The following GABRA5 variants were observed in gnomAD, a reference collection of about 807,000 sequenced individuals.
GABRA5 encodes gamma-aminobutyric acid receptor subunit alpha-5.
A neutral mutation model predicts 47.3 loss-of-function variants in GABRA5; 18 were observed. The ratio of observed to expected loss-of-function variants is 0.38; its 90% confidence interval spans 0.26 to 0.56. The LOEUF (loss-of-function observed/expected upper bound fraction) is 0.56, where lower values mean the gene tolerates loss of function less well. Among genes scored for constraint, GABRA5 ranks in the 20% least tolerant of loss-of-function variants. The pLI is 0.71. For synonymous variants in GABRA5, 237 were observed against 229.3 expected, an observed-to-expected ratio of 1.03 and a Z score of -0.30; for missense variants, 365 against 599.3, an observed-to-expected ratio of 0.61 and a Z score of 4.08.
At chr15:26,901,057 C>G (rs923175922) in intron 6 of GABRA5, among the ~76,000 whole-genome samples, 9 of 152,164 alleles carry the variant, frequency 5.9e-5, no homozygotes, top group African/African-American at 1.7e-4. Context: ...TTTATCCATT[C>G]ATCTATGGAA....
At chr15:26,939,492 C>T (rs1413346286) in intron 8 of GABRA5, 9 of 722,738 alleles carry the variant, frequency 1.2e-5, no homozygotes, top group Admixed American at 7.6e-5. Context: ...TGGGAGTGGT[C>T]GTCTCACCTC....
chr15:26,912,449 G>T (rs1893619013), intron 6 of GABRA5, among the ~76,000 whole-genome samples: 2 of 152,152 alleles, frequency 1.3e-5, no homozygotes, highest in Non-Finnish European at 2.9e-5. Context: ...TTTTTAAAAA[G>T]TTCTAATTTT....
At chr15:26,911,398 A>ACACACACACACACAC (rs1566877398) in intron 6 of GABRA5, among the ~76,000 whole-genome samples, 1 of 96,782 alleles carries the variant, frequency 1.0e-5, no homozygotes, top group East Asian at 4.7e-4. Context: ...CACACACACA[A>ACACACACACACACAC]ACACACACAC....
intron 6 of GABRA5, among the ~76,000 whole-genome samples, chr15:26,905,191 G>C (rs1402965346): frequency 2.0e-5 from 3 of 151,870 alleles, no homozygotes; most frequent in Admixed American, 6.6e-5. Context: ...ATTTTGGAAT[G>C]CTCCCTCAGT....
chr15:26,880,575 G>A (rs1215164845), intron 3 of GABRA5: 1 of 287,840 alleles, frequency 3.5e-6, no homozygotes, highest in East Asian at 7.7e-5. Context: ...CTAAAATATT[G>A]ACATAAACCA....
chr15:26,903,788 CT>C (rs979901533), intron 6 of GABRA5, among the ~76,000 whole-genome samples: 6 of 151,622 alleles, frequency 4.0e-5, no homozygotes, highest in African/African-American at 1.5e-4. Flanking sequence ...GCTTTGCTCG[CT>C]TTTTAACAGG....
chr15:26,884,684 T>A (rs757080309), intron 6 of GABRA5, among the ~76,000 whole-genome samples: 2 of 152,164 alleles, frequency 1.3e-5, no homozygotes, highest in Non-Finnish European at 2.9e-5. Context: ...TAACACACTG[T>A]GTCCTGTTGA....
chr15:26,939,191 C>T (rs1350479116), intron 8 of GABRA5: 4 of 759,480 alleles, frequency 5.3e-6, no homozygotes, highest in Admixed American at 1.7e-5. Flanking sequence ...ACTGGCCCAG[C>T]GGGCCTCACA....
chr15:26,908,646 A>G (rs1459353813), intron 6 of GABRA5, among the ~76,000 whole-genome samples: 2 of 152,206 alleles, frequency 1.3e-5, no homozygotes, highest in East Asian at 1.9e-4. Flanking sequence ...TGTAGCATCA[A>G]TCTTTAGATA....
chr15:26,911,171 G>GAATTAT (rs201911863), intron 6 of GABRA5, among the ~76,000 whole-genome samples: 1 of 151,178 alleles, frequency 6.6e-6, no homozygotes, highest in Non-Finnish European at 1.5e-5. Flanking sequence ...CTGAGGTTTA[G>GAATTAT]AATTCTAAGG....
At chr15:26,927,043 G>T (rs373805447) in intron 7 of GABRA5, among the ~76,000 whole-genome samples, 1 of 151,876 alleles carries the variant, frequency 6.6e-6, no homozygotes, top group Non-Finnish European at 1.5e-5. Context: ...CAATAGAAGT[G>T]CTCCTTGAAC....
At chr15:26,939,187 C>T in intron 8 of GABRA5, 1 of 759,112 alleles carries the variant, frequency 1.3e-6, no homozygotes, top group Non-Finnish European at 2.4e-6. Flanking sequence ...GAAGACTGGC[C>T]CAGCGGGCCT....
At chr15:26,920,190 T>C (rs972148025) in intron 7 of GABRA5, among the ~76,000 whole-genome samples, 1 of 152,058 alleles carries the variant, frequency 6.6e-6, no homozygotes, top group Non-Finnish European at 1.5e-5. Context: ...TTTGTTGTTG[T>C]TGTTGTTGTT....
At chr15:26,925,348 G>T (rs1447824636) in intron 7 of GABRA5, among the ~76,000 whole-genome samples, 1 of 151,518 alleles carries the variant, frequency 6.6e-6, no homozygotes, top group African/African-American at 2.4e-5. Context: ...TTTTTATATT[G>T]GATAATTTAT....
intron 6 of GABRA5, among the ~76,000 whole-genome samples, chr15:26,912,036 T>C (rs867564269): frequency 1.7e-4 from 26 of 152,084 alleles, no homozygotes; most frequent in Admixed American, 5.9e-4. Context: ...GACAGTCAGG[T>C]CACTTGAAAC....
At chr15:26,942,311 C>G (rs749745011) in intron 9 of GABRA5, among the ~76,000 whole-genome samples, 6 of 152,216 alleles carry the variant, frequency 3.9e-5, no homozygotes, top group Non-Finnish European at 7.3e-5. Flanking sequence ...GGGATCCAGC[C>G]TGGCTGTGTG....
At chr15:26,935,053 C>G (rs559297283) in intron 7 of GABRA5, among the ~76,000 whole-genome samples, 1 of 151,996 alleles carries the variant, frequency 6.6e-6, no homozygotes, top group Non-Finnish European at 1.5e-5. Context: ...ACTCTTGTCC[C>G]GGCAAAAAGA....
intron 3 of GABRA5, chr15:26,880,585 A>G (rs1669866592): frequency 3.2e-6 from 1 of 315,432 alleles, no homozygotes; most frequent in African/African-American, 2.1e-5. Flanking sequence ...GACATAAACC[A>G]ATTCCTTAGA....
At chr15:26,897,998 A>G (rs543424641) in intron 6 of GABRA5, among the ~76,000 whole-genome samples, 3 of 152,140 alleles carry the variant, frequency 2.0e-5, no homozygotes, top group Non-Finnish European at 4.4e-5. Context: ...ACATTTCCTC[A>G]TTCACAGAAA....
Sources: gnomAD v4.1 joint callset for allele counts (sites outside exome capture counted in the v4.1 genomes callset) on GRCh38, gnomAD v4.1.1 for gene constraint, MANE v1.5 for transcripts, NCBI Gene and HGNC (gene_info 2026-07-23, HGNC 2026-07-21) for gene names.